AGBL1: variants seen among roughly 807,000 people sequenced by gnomAD.
AGBL1 encodes the protein cytosolic carboxypeptidase 4.
Under a neutral mutation model 118.9 loss-of-function variants are expected in AGBL1, and 130 were observed. That is an observed-to-expected ratio of 1.09 (90% CI 0.95 to 1.26). The LOEUF is 1.26. AGBL1 is among the 50% of genes most tolerant of loss of function. The pLI is 0.00. For missense variants in AGBL1, 1,584 were observed against 1,298.1 expected, an observed-to-expected ratio of 1.22 and a Z score of -3.38; for synonymous variants, 555 against 478.9, an observed-to-expected ratio of 1.16 and a Z score of -2.08.
intron 22 of AGBL1, among the ~76,000 whole-genome samples, chr15:86,836,856 G>A (rs977780738): frequency 2.0e-5 from 3 of 152,128 alleles, no homozygotes; most frequent in African/African-American, 7.2e-5. Context: ...AGCCATTCCT[G>A]CTATGTCTTG....
At chr15:86,559,328 C>T (rs936552654) in intron 21 of AGBL1, among the ~76,000 whole-genome samples, 1 of 152,168 alleles carries the variant, frequency 6.6e-6, no homozygotes, top group Non-Finnish European at 1.5e-5. Flanking sequence ...CTGGGTCACA[C>T]AAGAAAACAC....
intron 18 of AGBL1, among the ~76,000 whole-genome samples, chr15:86,456,271 GA>G (rs770256194): frequency 1.3e-5 from 2 of 152,054 alleles, no homozygotes; most frequent in African/African-American, 2.4e-5. Flanking sequence ...CTCTTAAACT[GA>G]AAAAAGACAC....
At chr15:86,389,383 G>A (rs1407388151) in intron 17 of AGBL1, among the ~76,000 whole-genome samples, 2 of 152,130 alleles carry the variant, frequency 1.3e-5, no homozygotes, top group African/African-American at 4.8e-5. Flanking sequence ...GTGGAAAATG[G>A]AGAGGTTATG....
At chr15:86,937,035 A>G (rs1049336454) in intron 23 of AGBL1, among the ~76,000 whole-genome samples, 27 of 152,260 alleles carry the variant, frequency 1.8e-4, no homozygotes, top group African/African-American at 6.5e-4. Context: ...ACATGCAGCC[A>G]ACAAGCATAT....
At chr15:87,004,577 T>G (rs917556125) in intron 24 of AGBL1, among the ~76,000 whole-genome samples, 5 of 152,196 alleles carry the variant, frequency 3.3e-5, no homozygotes, top group African/African-American at 1.2e-4. Context: ...TGAGCCTATT[T>G]ATGTCTCTGC....
intron 18 of AGBL1, among the ~76,000 whole-genome samples, chr15:86,457,483 T>C (rs1236324180): frequency 6.6e-6 from 1 of 152,152 alleles, no homozygotes; most frequent in Non-Finnish European, 1.5e-5. Flanking sequence ...TACTTGACAT[T>C]AAGAGTGATC....
chr15:86,563,306 C>T (rs1266104807), intron 21 of AGBL1, among the ~76,000 whole-genome samples: 1 of 152,158 alleles, frequency 6.6e-6, no homozygotes, highest in South Asian at 2.1e-4. Context: ...CCTCTACACA[C>T]TGCTTTAAAT....
intron 24 of AGBL1, among the ~76,000 whole-genome samples, chr15:86,999,622 A>G (rs1056595097): frequency 3.2e-4 from 48 of 150,150 alleles, no homozygotes; most frequent in African/African-American, 1.1e-3. Flanking sequence ...AATCCAGTCT[A>G]TCGTTGTTGG....
At chr15:86,159,459 T>C (rs2077236903) in intron 5 of AGBL1, among the ~76,000 whole-genome samples, 1 of 151,902 alleles carries the variant, frequency 6.6e-6, no homozygotes, top group Admixed American at 6.6e-5. Context: ...AATGACAGGG[T>C]CTCTAAAGAG....
chr15:86,226,667 C>A (rs114864847), intron 6 of AGBL1, among the ~76,000 whole-genome samples: 1 of 152,292 alleles, frequency 6.6e-6, no homozygotes, highest in South Asian at 2.1e-4. Context: ...AGGCTCAGAC[C>A]GTGTAGCTAG....
At chr15:86,324,701 A>G (rs2080158342) in intron 17 of AGBL1, among the ~76,000 whole-genome samples, 1 of 152,220 alleles carries the variant, frequency 6.6e-6, no homozygotes. Flanking sequence ...ATAACAAAAA[A>G]AGTGGGTGGT....
At chr15:86,308,832 T>G (rs548042713) in intron 17 of AGBL1, among the ~76,000 whole-genome samples, 1 of 152,320 alleles carries the variant, frequency 6.6e-6, no homozygotes, top group East Asian at 1.9e-4. Context: ...AGCTTTGTAG[T>G]ATATTTTAAA....
intron 1 of AGBL1, among the ~76,000 whole-genome samples, chr15:86,113,925 A>C (rs941822069): frequency 7.9e-5 from 12 of 152,216 alleles, no homozygotes; most frequent in Non-Finnish European, 1.6e-4. Flanking sequence ...TTTGCTTATA[A>C]GATGCTGTGT....
intron 23 of AGBL1, among the ~76,000 whole-genome samples, chr15:86,926,967 G>A (rs544460381): frequency 2.0e-5 from 3 of 151,826 alleles, no homozygotes; most frequent in Non-Finnish European, 2.9e-5. Flanking sequence ...AGTGTAACCC[G>A]TCTCTACTAA....
intron 7 of AGBL1, among the ~76,000 whole-genome samples, chr15:86,253,088 G>A (rs1023357948): frequency 6.6e-6 from 1 of 152,134 alleles, no homozygotes; most frequent in Non-Finnish European, 1.5e-5. Flanking sequence ...CTCAGGTGGG[G>A]GAGTAGAGTG....
chr15:86,911,373 C>A lies in AGBL1; in HGVS notation c.*4079C>A, dbSNP rs1448208640. On this transcript the variant is annotated 3_prime_UTR_variant, in exon 23 of 23. Transcript: ENST00000614907. ...GAATAGAAGCCCAAGACTTGCCACC[C>A]ACGAGCCCTCAAGGGTGGAAACTAC... 2.6e-5 allele frequency: 4 copies of A among 152,206 alleles called. No individual in the cohort carries two copies. The highest frequency in any genetic ancestry group is 7.2e-5 in the African/African-American group (3 of 41,438). 9.4% of individuals were successfully genotyped at this position (152,206 alleles called of 1,614,324 possible).
intron 22 of AGBL1, among the ~76,000 whole-genome samples, chr15:86,883,454 C>T (rs1276753091): frequency 6.6e-6 from 1 of 152,190 alleles, no homozygotes; most frequent in East Asian, 1.9e-4. Flanking sequence ...CCTGTAGTGT[C>T]CATTCTTTGC....
chr15:86,723,817 G>A (rs1050487920), intron 22 of AGBL1, among the ~76,000 whole-genome samples: 5 of 152,028 alleles, frequency 3.3e-5, no homozygotes, highest in African/African-American at 9.7e-5. Flanking sequence ...AGATGAGGGG[G>A]AGTGAAAAGG....
At chr15:86,590,211 A>G (rs1458568589) in intron 21 of AGBL1, among the ~76,000 whole-genome samples, 1 of 152,056 alleles carries the variant, frequency 6.6e-6, no homozygotes, top group East Asian at 1.9e-4. Context: ...AGAAGAGGAG[A>G]CTTGGTTTGT....
Sources: gnomAD v4.1 joint callset for allele counts (sites outside exome capture counted in the v4.1 genomes callset) on GRCh38, gnomAD v4.1.1 for gene constraint, MANE v1.5 for transcripts, NCBI Gene and HGNC (gene_info 2026-07-23, HGNC 2026-07-21) for gene names.